Variants in PLA1A observed in about 807,000 individuals in gnomAD.
PLA1A encodes phosphatidylserine-specific phospholipase A1alpha.
A neutral mutation model predicts 49.4 loss-of-function variants in PLA1A; 47 were observed. The observed-to-expected ratio is 0.95, with a 90% CI of 0.75 to 1.21. The LOEUF (loss-of-function observed/expected upper bound fraction) is 1.21, where lower values mean the gene tolerates loss of function less well. Among genes scored for constraint, PLA1A ranks in the 50% most tolerant of loss-of-function variants. The probability of loss-of-function intolerance (pLI) is 0.00; values close to 1 mark genes in which losing one functional copy is unlikely to be tolerated. For missense variants in PLA1A, 561 were observed against 563.9 expected, an observed-to-expected ratio of 0.99 and a Z score of 0.05; for synonymous variants, 224 against 207.9, an observed-to-expected ratio of 1.08 and a Z score of -0.67.
rs933937563 is a variant in PLA1A, at chr3:119,612,637, C to T, written c.563-380C>T. ...CCGAGTCGCTGGAACTACAGGCGCCCGCCACTACGCCCAGCTGATTTTTTG... is the reference window on the plus strand; with the variant it reads ...CCGAGTCGCTGGAACTACAGGCGCCTGCCACTACGCCCAGCTGATTTTTTG... On this transcript the variant is annotated intron_variant, in intron 4 of 10. Coordinates refer to ENST00000273371, the MANE Select transcript of PLA1A (RefSeq NM_015900.4). Among the ~76,000 whole-genome samples, 46 of 152,230 alleles carry T rather than the reference C, an allele frequency of 3.0e-4. 1 individual carries two copies. Among genetic ancestry groups the T allele is most frequent in the South Asian group, 2.1e-4 (1 of 4,810 alleles).
Position 119,606,791 on chromosome 3 carries a change from C to A in PLA1A, c.91C>A (p.Pro31Thr), listed in dbSNP as rs756340208. The A allele has an allele frequency of 6.2e-7, 1 of 1,614,070 alleles. No individual in the cohort carries two copies. The highest frequency in any genetic ancestry group is 1.3e-5 in the African/African-American group (1 of 75,032). Residue 31 changes from proline to threonine, a missense_variant, in exon 2 of 11, where the codon CCA becomes ACA. By Grantham distance (38) the Pro-to-Thr change is conservative (BLOSUM62 -1). Transcript: ENST00000273371. ...TCCTCCAGGGGATGCACCTCCTACC[C>A]CACAGCCAAAGTGCGCTGACTTCCA... ...VGSSGDAPPT[P>T]QPKCADFQSA...
At chr3:119,611,834 C>T (rs1208523633) in intron 4 of PLA1A, among the ~76,000 whole-genome samples, 4 of 152,150 alleles carry the variant, frequency 2.6e-5, no homozygotes, top group Non-Finnish European at 5.9e-5. Context: ...TATTTAGATG[C>T]CTTTTATTTC....
At chr3:119,620,067 C>T (rs998370975) in intron 8 of PLA1A, 2 of 458,556 alleles carry the variant, frequency 4.4e-6, no homozygotes, top group Admixed American at 2.3e-5. Context: ...GTCTCCTTCC[C>T]CTTCACAGAT....
In PLA1A at chr3:119,606,985, A is replaced by G. The variant is rs2082698402; in HGVS notation, c.275+10A>G. 1 of 1,604,798 alleles carries G rather than the reference A, an allele frequency of 6.2e-7. No homozygotes were observed. The highest frequency in any genetic ancestry group is 8.5e-7 in the Non-Finnish European group (1 of 1,171,464). On this transcript the variant is annotated intron_variant, in intron 2 of 10. Coordinates refer to ENST00000273371, the MANE Select transcript of PLA1A (RefSeq NM_015900.4). ...TTATCCATGGATTCAGGTGGGAGTTAAATAACCAACAGGACTTCTCAACTA... is the reference window on the plus strand; with the variant it reads ...TTATCCATGGATTCAGGTGGGAGTTGAATAACCAACAGGACTTCTCAACTA...
chr3:119,608,256 GA>G (rs1409819863), intron 2 of PLA1A, among the ~76,000 whole-genome samples: 2 of 143,918 alleles, frequency 1.4e-5, no homozygotes, highest in African/African-American at 2.6e-5. Context: ...AAGAAAGAAA[GA>G]AAGAAAGAAA....
In PLA1A at chr3:119,628,716, C is replaced by T. The variant is rs2052580310; in HGVS notation, c.1137C>T (p.Arg379=). ...SSKITIPKQQ[R]YGKGIIAHAT... is the part of the protein sequence containing the mutation. ...TTTCTTGCAGACCTAAGCAGCAACG[C>T]TATGGGAAAGGAATCATAGCCCATG... Residue 379 remains arginine, a synonymous_variant, in exon 10 of 11, where the codon CGC becomes CGT. Coordinates refer to ENST00000273371, the MANE Select transcript of PLA1A (RefSeq NM_015900.4). 1.2e-6 allele frequency: 2 copies of T among 1,614,142 alleles called. No individual in the cohort carries two copies. Among genetic ancestry groups the T allele is most frequent in the Non-Finnish European group, 1.7e-6 (2 of 1,179,976 alleles).
chr3:119,617,787 CA>C (rs2082870094), intron 6 of PLA1A, among the ~76,000 whole-genome samples: 1 of 151,864 alleles, frequency 6.6e-6, no homozygotes, highest in African/African-American at 2.4e-5. Flanking sequence ...GAATGCATCT[CA>C]AATCAAGCAA....
chr3:119,604,369 TAATG>T (rs2082656354), intron 1 of PLA1A, among the ~76,000 whole-genome samples: 1 of 151,990 alleles, frequency 6.6e-6, no homozygotes, highest in East Asian at 1.9e-4. Flanking sequence ...GCCCATCAAC[TAATG>T]AATGAATAAA....
chr3:119,616,287 G>T (rs2082847756), intron 6 of PLA1A, among the ~76,000 whole-genome samples, 186 bp downstream of exon 6: 1 of 152,216 alleles, frequency 6.6e-6, no homozygotes, highest in Admixed American at 6.5e-5. Flanking sequence ...GGCATTTGAG[G>T]GGAGGGTGTG....
intron 2 of PLA1A, among the ~76,000 whole-genome samples, chr3:119,608,092 A>G (rs2082712592): frequency 6.6e-6 from 1 of 152,098 alleles, no homozygotes; most frequent in South Asian, 2.1e-4. Context: ...CACCTAGCAT[A>G]CTGCCTGGCC....
intron 8 of PLA1A, among the ~76,000 whole-genome samples, chr3:119,621,181 A>G (rs1344501178): frequency 6.6e-6 from 1 of 152,194 alleles, no homozygotes; most frequent in Admixed American, 6.5e-5. Flanking sequence ...TGCAGCTAAG[A>G]ATATACCCAG....
intron 4 of PLA1A, among the ~76,000 whole-genome samples, chr3:119,610,071 C>T (rs902454764): frequency 1.3e-5 from 2 of 152,156 alleles, no homozygotes; most frequent in Non-Finnish European, 2.9e-5. Flanking sequence ...TGAAAACATG[C>T]GGTATTTGGT....
In PLA1A at chr3:119,616,028, T is replaced by A. The variant is rs2082843498; in HGVS notation, c.681T>A (p.Ile227=). The A allele has an allele frequency of 1.9e-6, 3 of 1,611,886 alleles. No individual in the cohort carries two copies. Among genetic ancestry groups the A allele is most frequent in the Non-Finnish European group, 2.5e-6 (3 of 1,178,154 alleles). ...HTDTDNLGIR[I]PVGHVDYFVN... Reference sequence around the variant, plus strand: ...TCCTTTCAGATTTGGGTATTCGGATTCCCGTTGGACATGTGGACTACTTCG... The same window carrying A: ...TCCTTTCAGATTTGGGTATTCGGATACCCGTTGGACATGTGGACTACTTCG... Residue 227 remains isoleucine (I), a synonymous_variant, in exon 6 of 11, where the codon ATT becomes ATA. Transcript: ENST00000273371.
intron 5 of PLA1A, among the ~76,000 whole-genome samples, chr3:119,613,730 A>G (rs564455126): frequency 4.6e-5 from 7 of 152,286 alleles, no homozygotes; most frequent in African/African-American, 1.7e-4. Context: ...CGTCTCTACT[A>G]AAAATACAAA....
chr3:119,605,776 C>G lies in PLA1A; in HGVS notation c.74-998C>G, dbSNP rs537603772. ...GCCAGATTTTCAGCTCCCTGGGAAGCAGGAGTTTCATGTTGCCTTTTCTGT... is the reference window on the plus strand; with the variant it reads ...GCCAGATTTTCAGCTCCCTGGGAAGGAGGAGTTTCATGTTGCCTTTTCTGT... On this transcript the variant is annotated intron_variant, in intron 1 of 10. Transcript: ENST00000273371. Among the ~76,000 whole-genome samples, 16 of 152,338 alleles carry G rather than the reference C, an allele frequency of 1.1e-4. No individual in the cohort carries two copies. In the South Asian group the frequency reaches 3.1e-3, roughly 30 times the overall value.
At chr3:119,606,289 T>A (rs1232409960) in intron 1 of PLA1A, among the ~76,000 whole-genome samples, 1 of 152,218 alleles carries the variant, frequency 6.6e-6, no homozygotes, top group Non-Finnish European at 1.5e-5. Context: ...ATGGCCACTG[T>A]CTCCCTATGT....
In PLA1A at chr3:119,615,806, C is replaced by A. The variant is rs368153254; in HGVS notation, c.665-206C>A. On this transcript the variant is annotated intron_variant, in intron 5 of 10. Transcript: ENST00000273371. ...AGCCTGGGTGACAAGAGCGAGAGAG[C>A]GAAAAAAGAAAGCCTCAGAAAAAAA... Among the ~76,000 whole-genome samples, 8 of 145,574 alleles carry A rather than the reference C, an allele frequency of 5.5e-5. No homozygotes were observed. The East Asian group carries it at 6.0e-4, about 11-fold the overall frequency.
intron 1 of PLA1A, among the ~76,000 whole-genome samples, chr3:119,605,459 C>T (rs569209936): frequency 6.0e-4 from 92 of 152,370 alleles, no homozygotes; most frequent in South Asian, 1.7e-3. Context: ...TGTATATGAG[C>T]TCCCAGTTAC....
In PLA1A at chr3:119,625,140, G is replaced by A; in HGVS notation, c.1029G>A (p.Val343=). 1 of 1,612,590 alleles carries A rather than the reference G, an allele frequency of 6.2e-7. No individual in the cohort carries two copies. Among genetic ancestry groups the A allele is most frequent in the Non-Finnish European group, 8.5e-7 (1 of 1,178,670 alleles). ...GTTTCCTAGTGCATCACAGCCTCGTGGAGTTTCACTTGAAGGAACTGAGAA... is the reference window on the plus strand; with the variant it reads ...GTTTCCTAGTGCATCACAGCCTCGTAGAGTTTCACTTGAAGGAACTGAGAA... ...SAPYCMHHSL[V]EFHLKELRNK... is the part of the protein sequence containing the mutation. Residue 343 remains valine, a synonymous_variant, in exon 9 of 11, where the codon GTG becomes GTA. Coordinates refer to ENST00000273371, the MANE Select transcript of PLA1A (RefSeq NM_015900.4).
Sources: allele counts gnomAD v4.1 joint callset (sites outside exome capture counted in the v4.1 genomes callset), GRCh38; gene constraint gnomAD v4.1.1; transcripts MANE v1.5; gene names NCBI Gene and HGNC (gene_info 2026-07-23, HGNC 2026-07-21).